Variants in JPH1 observed in about 807,000 individuals in gnomAD.
The protein encoded by JPH1 is junctophilin 1.
Under a neutral mutation model 53.6 loss-of-function variants are expected in JPH1, and 12 were observed. That is an observed-to-expected ratio of 0.22 (90% CI 0.14 to 0.36). JPH1 has a LOEUF of 0.36. JPH1 is among the 10% of genes least tolerant of loss of function. The pLI, the probability that JPH1 is intolerant of heterozygous loss-of-function variation, is 1.00. For synonymous variants in JPH1, 375 were observed against 363.8 expected (o/e 1.03, Z -0.35); for missense variants, 808 against 905.5 (o/e 0.89, Z 1.38).
chr8:74,301,833 C>T (rs1342051663), intron 2 of JPH1, among the ~76,000 whole-genome samples: 1 of 152,142 alleles, frequency 6.6e-6, no homozygotes, highest in African/African-American at 2.4e-5. Context: ...GTTGAATGAA[C>T]AATGTCTGTT....
chr8:74,307,532 T>C (rs966541089), intron 2 of JPH1, among the ~76,000 whole-genome samples: 4 of 152,146 alleles, frequency 2.6e-5, no homozygotes, highest in African/African-American at 9.7e-5. Context: ...CTAAAGAAAA[T>C]AACTAATGCT....
chr8:74,254,851 C>G (rs1230339937), intron 3 of JPH1, among the ~76,000 whole-genome samples: 1 of 152,038 alleles, frequency 6.6e-6, no homozygotes, highest in African/African-American at 2.4e-5. Context: ...TGTGAAGGAC[C>G]TCTTCAAGGA....
chr8:74,300,513 G>A (rs943003581), intron 2 of JPH1, among the ~76,000 whole-genome samples: 1 of 152,106 alleles, frequency 6.6e-6, no homozygotes, highest in African/African-American at 2.4e-5. Context: ...AAGAATAACT[G>A]GTAAGTGAGT....
chr8:74,263,120 G>T (rs1806439595), intron 2 of JPH1, among the ~76,000 whole-genome samples: 1 of 152,136 alleles, frequency 6.6e-6, no homozygotes, highest in Admixed American at 6.5e-5. Context: ...TCCTGCTAAG[G>T]TACACGTGGG....
intron 2 of JPH1, among the ~76,000 whole-genome samples, chr8:74,313,135 C>T (rs1416945087): frequency 6.6e-6 from 1 of 152,186 alleles, no homozygotes; most frequent in African/African-American, 2.4e-5. Context: ...TTTTTCACCT[C>T]CCAAGACTGA....
intron 2 of JPH1, among the ~76,000 whole-genome samples, chr8:74,291,028 C>A (rs1042805356): frequency 6.6e-6 from 1 of 152,126 alleles, no homozygotes; most frequent in African/African-American, 2.4e-5. Context: ...CATAAAAACC[C>A]TAGAAGAAAA....
intron 2 of JPH1, among the ~76,000 whole-genome samples, chr8:74,299,105 C>A (rs964200738): frequency 6.6e-6 from 1 of 152,116 alleles, no homozygotes; most frequent in East Asian, 1.9e-4. Flanking sequence ...GGGTCTTCTC[C>A]CACCTGGTAA....
chr8:74,240,664 G>A (rs903783720), intron 4 of JPH1, among the ~76,000 whole-genome samples: 101 of 152,266 alleles, frequency 6.6e-4, no homozygotes, highest in African/African-American at 2.3e-3. Context: ...CTGGGCTACT[G>A]GGTTTATTTT....
intron 2 of JPH1, among the ~76,000 whole-genome samples, chr8:74,310,000 T>C (rs934703226): frequency 6.6e-6 from 1 of 152,178 alleles, no homozygotes; most frequent in Non-Finnish European, 1.5e-5. Context: ...AGTTTAGGGC[T>C]CTAAAACAGC....
chr8:74,307,900 T>C (rs1171550383), intron 2 of JPH1, among the ~76,000 whole-genome samples: 2 of 152,208 alleles, frequency 1.3e-5, no homozygotes, highest in Non-Finnish European at 2.9e-5. Context: ...CTTTTTTTTC[T>C]GATATTGGTA....
At chr8:74,272,434 C>T (rs1407150193) in intron 2 of JPH1, among the ~76,000 whole-genome samples, 1 of 152,058 alleles carries the variant, frequency 6.6e-6, no homozygotes, top group Non-Finnish European at 1.5e-5. Flanking sequence ...AAATCTCTCA[C>T]TGGCAAAAGA....
intron 1 of JPH1, among the ~76,000 whole-genome samples, chr8:74,318,616 C>T (rs190414808): frequency 2.0e-4 from 30 of 152,240 alleles, no homozygotes; most frequent in Non-Finnish European, 4.1e-4. Flanking sequence ...ATAAGTGATA[C>T]GTCTCACATG....
intron 4 of JPH1, among the ~76,000 whole-genome samples, chr8:74,241,199 A>G (rs572040248): frequency 4.6e-5 from 7 of 152,224 alleles, no homozygotes; most frequent in African/African-American, 7.2e-5. Context: ...AGGGAAAACT[A>G]GACATGAAAG....
At chr8:74,254,763 G>A (rs1806168218) in intron 3 of JPH1, among the ~76,000 whole-genome samples, 1 of 152,042 alleles carries the variant, frequency 6.6e-6, no homozygotes, top group African/African-American at 2.4e-5. Flanking sequence ...GACAAACAGA[G>A]AGCCAAATCA....
At chr8:74,297,537 T>C (rs768284347) in intron 2 of JPH1, among the ~76,000 whole-genome samples, 26 of 152,140 alleles carry the variant, frequency 1.7e-4, no homozygotes, top group Admixed American at 3.3e-4. Context: ...ACCGACTCCA[T>C]GCAGTTAAAA....
At chr8:74,260,909 T>G (rs1314104737) in intron 2 of JPH1, among the ~76,000 whole-genome samples, 1 of 152,212 alleles carries the variant, frequency 6.6e-6, no homozygotes, top group African/African-American at 2.4e-5. Flanking sequence ...TAATTTTTGG[T>G]CCTCTGTCAT....
At chr8:74,306,411 C>T (rs1402823685) in intron 2 of JPH1, among the ~76,000 whole-genome samples, 2 of 152,112 alleles carry the variant, frequency 1.3e-5, no homozygotes, top group Non-Finnish European at 2.9e-5. Context: ...TAGGCACCCC[C>T]CCTTTCTCCC....
chr8:74,280,636 C>A (rs903639688), intron 2 of JPH1, among the ~76,000 whole-genome samples: 1 of 152,108 alleles, frequency 6.6e-6, no homozygotes, highest in African/African-American at 2.4e-5. Flanking sequence ...GACACATTGT[C>A]TACTGTGGAT....
intron 2 of JPH1, among the ~76,000 whole-genome samples, chr8:74,261,210 A>G (rs1277702601): frequency 6.6e-6 from 1 of 152,216 alleles, no homozygotes; most frequent in Non-Finnish European, 1.5e-5. Flanking sequence ...ACTGTACAAC[A>G]CAAACAGTGA....
Sources: allele counts gnomAD v4.1 joint callset (sites outside exome capture counted in the v4.1 genomes callset), GRCh38; gene constraint gnomAD v4.1.1; transcripts MANE v1.5; gene names NCBI Gene and HGNC (gene_info 2026-07-23, HGNC 2026-07-21).